Variants in CEP350 observed in about 807,000 individuals in gnomAD.
The protein encoded by CEP350 is centrosomal protein 350.
A neutral mutation model predicts 331.8 loss-of-function variants in CEP350; 126 were observed. The ratio of observed to expected loss-of-function variants is 0.38; its 90% confidence interval spans 0.33 to 0.44. The LOEUF is 0.44. Among genes scored for constraint, CEP350 ranks in the 20% least tolerant of loss-of-function variants. The pLI, the probability that CEP350 is intolerant of heterozygous loss-of-function variation, is 1.00. For synonymous variants in CEP350, 1,200 were observed against 1,259.5 expected, an observed-to-expected ratio of 0.95 and a Z score of 1.00; for missense variants, 3,406 against 3,634.6, an observed-to-expected ratio of 0.94 and a Z score of 1.62.
chr1:180,006,217 T>C (rs1246262376), intron 7 of CEP350, among the ~76,000 whole-genome samples: 2 of 152,106 alleles, frequency 1.3e-5, no homozygotes, highest in Non-Finnish European at 2.9e-5. Flanking sequence ...AATAAATAAA[T>C]AACAAAGGAT....
At chr1:180,025,509 T>C (rs1020823787) in intron 14 of CEP350, among the ~76,000 whole-genome samples, 2 of 152,164 alleles carry the variant, frequency 1.3e-5, no homozygotes, top group African/African-American at 4.8e-5. Flanking sequence ...CCTACGGAGA[T>C]GGATAATCAC....
intron 12 of CEP350, among the ~76,000 whole-genome samples, chr1:180,022,218 ATTTCT>A (rs1004988125): frequency 3.9e-5 from 6 of 152,148 alleles, no homozygotes; most frequent in African/African-American, 1.4e-4. Context: ...AGTTATTTTG[ATTTCT>A]TTTGATGAAA....
chr1:180,013,946 A>G lies in CEP350; in HGVS notation c.1493A>G (p.Glu498Gly), dbSNP rs1287015369. The G allele has an allele frequency of 1.9e-5, 31 of 1,613,794 alleles. No homozygotes were observed. Among genetic ancestry groups the G allele is most frequent in the Non-Finnish European group, 2.5e-5 (30 of 1,179,702 alleles). ...CGTTCGAGAAGTAAATCTCGGTCTG[A>G]AAATAATATAAAGAAACTAGCTTCA... The part of the protein sequence containing the change: ...SERSRSKSRS[E>G]NNIKKLASSL... The change falls in exon 10 of 38, where the codon GAA (glutamate) becomes GGA (glycine). Residue 498 changes from glutamate to glycine, a missense_variant. By Grantham distance (98) the Glu-to-Gly change is moderately conservative. Coordinates refer to ENST00000367607, the MANE Select transcript of CEP350 (RefSeq NM_014810.5).
At chr1:179,975,313 T>C (rs1651780167) in intron 1 of CEP350, among the ~76,000 whole-genome samples, 1 of 152,214 alleles carries the variant, frequency 6.6e-6, no homozygotes, top group Admixed American at 6.5e-5. Flanking sequence ...GTGTCCATCA[T>C]GCTAAGGAGT....
intron 3 of CEP350, among the ~76,000 whole-genome samples, chr1:179,988,601 T>A (rs1158094064): frequency 1.3e-5 from 2 of 152,178 alleles, no homozygotes; most frequent in East Asian, 3.8e-4. Flanking sequence ...ATTTGTGTTC[T>A]GGCCAATCTT....
rs1209818094 is a variant in CEP350, at chr1:180,041,810, C to T, written c.4362+8C>T. On this transcript the variant is annotated splice_region_variant and intron_variant, in intron 19 of 37. Coordinates refer to ENST00000367607, the MANE Select transcript of CEP350 (RefSeq NM_014810.5). ...GCACGTCAAATCTGTGAGGTAGGTG[C>T]CACTGAGAACACTTCTCTTTTTACT... 2 of 1,607,502 alleles carry T rather than the reference C, an allele frequency of 1.2e-6. No homozygotes were observed. The highest frequency in any genetic ancestry group is 1.7e-5 in the Admixed American group (1 of 58,744).
At chr1:180,019,870 A>T (rs575319763) in intron 11 of CEP350, 79 bp from the exon 12 acceptor site, 7 of 1,303,874 alleles carry the variant, frequency 5.4e-6, no homozygotes, top group Non-Finnish European at 7.2e-6. Context: ...CATCCTCATT[A>T]CTCTTATAAT....
chr1:180,078,469 C>T lies in CEP350; in HGVS notation c.5774C>T (p.Ala1925Val). The change falls in exon 29 of 38, where the codon GCA (alanine) becomes GTA (valine). Residue 1925 changes from alanine (A) to valine (V), a missense_variant. Physicochemically the swap from Ala to Val is moderately conservative, Grantham distance 64 (BLOSUM62 0). This residue lies in a region of CEP350 where 1,415 missense variants were observed against 1,512.3 expected (regional missense o/e 0.94). Coordinates refer to ENST00000367607, the MANE Select transcript of CEP350 (RefSeq NM_014810.5). ...TTTCACCTTCTCTGTCTAGAAATAG[C>T]AAGTGAAGAGGAATCTCCAGTACCT... The part of the protein sequence containing the change: ...EDQRTEQKEI[A>V]SEEESPVPLY... 2 of 1,608,296 alleles carry T rather than the reference C, an allele frequency of 1.2e-6. No individual in the cohort carries two copies. The highest frequency in any genetic ancestry group is 3.4e-5 in the Admixed American group (2 of 59,610).
At chr1:179,975,594 G>T (rs1055137100) in intron 1 of CEP350, among the ~76,000 whole-genome samples, 4 of 151,770 alleles carry the variant, frequency 2.6e-5, no homozygotes, top group Non-Finnish European at 4.4e-5. Flanking sequence ...AAGAAACAAA[G>T]GTATAAATGA....
rs1268317593 is a variant in CEP350 at position 179,992,126 on chromosome 1, A to G, written c.300A>G (p.Lys100=). Reference sequence around the variant, plus strand: ...TCTCCAAATCCACTAAATCACGAAAAGAGAAATCTCGTAGTCCTCTCAGGG... The same window carrying G: ...TCTCCAAATCCACTAAATCACGAAAGGAGAAATCTCGTAGTCCTCTCAGGG... ...APISKSTKSR[K]EKSRSPLRAT... The change falls in exon 5 of 38, where the codon AAA becomes AAG. Residue 100 remains lysine, a synonymous_variant. Transcript: ENST00000367607. 6.4e-7 allele frequency: 1 copy of G among 1,554,118 alleles called. No individual in the cohort carries two copies. The highest frequency in any genetic ancestry group is 1.2e-5 in the South Asian group (1 of 81,756).
intron 31 of CEP350, chr1:180,087,227 G>A (rs1558150299): frequency 6.3e-6 from 1 of 157,728 alleles, no homozygotes; most frequent in Non-Finnish European, 1.4e-5. Context: ...ACTTCTTAAA[G>A]ATACCATGAA....
At chr1:180,001,391 TG>T (rs767647960) in intron 6 of CEP350, among the ~76,000 whole-genome samples, 15 of 152,098 alleles carry the variant, frequency 9.9e-5, no homozygotes, top group Non-Finnish European at 1.6e-4. Context: ...AAAGAGTAGC[TG>T]GGATTACAGG....
chr1:180,042,336 A>G (rs1167845423), intron 19 of CEP350, among the ~76,000 whole-genome samples: 1 of 152,230 alleles, frequency 6.6e-6, no homozygotes, highest in Non-Finnish European at 1.5e-5. Flanking sequence ...TAACGTGGGT[A>G]TAGCCCAAAG....
intron 32 of CEP350, among the ~76,000 whole-genome samples, chr1:180,089,507 C>T (rs984025682): frequency 3.3e-5 from 5 of 150,604 alleles, no homozygotes; most frequent in African/African-American, 1.2e-4. Context: ...CGCTTGAACC[C>T]GGGAGGTGGA....
At position 179,964,509 on chromosome 1, in the gene CEP350, G is replaced by T. The variant is rs145043605; in HGVS notation, c.-14+9367G>T. Among the ~76,000 whole-genome samples, 625 of 152,032 alleles carry T rather than the reference G, an allele frequency of 4.1e-3. 2 individuals are homozygous for T. Among genetic ancestry groups the T allele is most frequent in the Middle Eastern group, 0.014 (4 of 294 alleles). ...TTTGGCTGTGAATGCATCTGATCCT[G>T]GTCTTTTTTTGGTTTGTAGATTTGT... On this transcript the variant is annotated intron_variant, in intron 1 of 37. Transcript: ENST00000367607.
intron 1 of CEP350, chr1:179,969,055 C>G (rs754397839): frequency 2.7e-6 from 2 of 731,972 alleles, no homozygotes; most frequent in Non-Finnish European, 5.0e-6. Flanking sequence ...CTTAGGTTAA[C>G]CTACCTACCA....
Position 180,087,663 on chromosome 1 carries a change from C to T in CEP350, c.6371C>T (p.Thr2124Met), listed in dbSNP as rs376196824. 9.4e-5 allele frequency: 148 copies of T among 1,579,250 alleles called. No homozygotes were observed. In the African/African-American group the frequency reaches 1.6e-3, roughly 18 times the overall value. ...CCAACAGCCAAGCCTCAGATTAAAA[C>T]GCTCTCCTCAGCTTCTGAAAAACCC... The part of the protein sequence containing the change: ...TSPTAKPQIK[T>M]LSSASEKPKI... Residue 2124 changes from threonine (T) to methionine (M), a missense_variant, in exon 32 of 38, where the codon ACG (threonine) becomes ATG (methionine). By Grantham distance (81) the Thr-to-Met change is moderately conservative. Coordinates refer to ENST00000367607, the MANE Select transcript of CEP350 (RefSeq NM_014810.5).
In CEP350 at chr1:179,978,549, C is replaced by G. The variant is rs909126847; in HGVS notation, c.-13-7620C>G. On this transcript the variant is annotated intron_variant, in intron 1 of 37. Transcript: ENST00000367607. ...TCTCTCCTAAGCCCCCTTAACCCCC[C>G]TCCCAGCCCCTACTAACCTCTGTTC... Among the ~76,000 whole-genome samples, 4 of 152,190 alleles carry G rather than the reference C, an allele frequency of 2.6e-5. No homozygotes were observed. The South Asian group carries it at 8.3e-4, about 32-fold the overall frequency.
In CEP350 at chr1:180,003,192, C is replaced by A; in HGVS notation, c.1037C>A (p.Thr346Asn). ...PAYKGFNPSE[T>N]KIRTPDGKVW... ...GTATTAGGTTTCAACCCTTCAGAGA[C>A]CAAGATTCGAACACCTGATGGGAAA... Residue 346 changes from threonine to asparagine, a missense_variant, in exon 7 of 38, where the codon ACC becomes AAC. By Grantham distance (65) the Thr-to-Asn change is moderately conservative. This residue lies in a region of CEP350 where 1,857 missense variants were observed against 1,909.2 expected (regional missense o/e 0.97). Coordinates refer to ENST00000367607, the MANE Select transcript of CEP350 (RefSeq NM_014810.5). 6.2e-7 allele frequency: 1 copy of A among 1,612,568 alleles called. No homozygotes were observed. The highest frequency in any genetic ancestry group is 8.5e-7 in the Non-Finnish European group (1 of 1,179,122).
Sources: gnomAD v4.1 joint callset for allele counts (sites outside exome capture counted in the v4.1 genomes callset) on GRCh38, gnomAD v4.1.1 for gene constraint, gnomAD v4.1.1 regional missense constraint, MANE v1.5 for transcripts, NCBI Gene and HGNC (gene_info 2026-07-23, HGNC 2026-07-21) for gene names.